ACAP2: variants seen among roughly 807,000 people sequenced by gnomAD.
The protein encoded by ACAP2 is ArfGAP with coiled-coil, ankyrin repeat and PH domains 2.
Under a neutral mutation model 115.8 loss-of-function variants are expected in ACAP2, and 39 were observed. That is an observed-to-expected ratio of 0.34 (90% CI 0.26 to 0.44). The LOEUF (loss-of-function observed/expected upper bound fraction) is 0.44. Among genes scored for constraint, ACAP2 ranks in the 20% least tolerant of loss-of-function variants. The pLI is 1.00. For synonymous variants in ACAP2, 289 were observed against 315.8 expected, an observed-to-expected ratio of 0.92 and a Z score of 0.90; for missense variants, 662 against 927.6, an observed-to-expected ratio of 0.71 and a Z score of 3.72.
intron 13 of ACAP2, among the ~76,000 whole-genome samples, chr3:195,306,248 AAC>A (rs1728412895): frequency 6.6e-6 from 1 of 152,150 alleles, no homozygotes; most frequent in East Asian, 1.9e-4. Context: ...TTTGGGGAAA[AAC>A]ACTAACAGGG....
intron 10 of ACAP2, among the ~76,000 whole-genome samples, chr3:195,311,432 T>A (rs138186176): frequency 6.6e-6 from 1 of 151,766 alleles, no homozygotes; most frequent in Non-Finnish European, 1.5e-5. Context: ...AAAGGAAAAG[T>A]AAGACTTAAA....
chr3:195,303,623 G>C (rs569975898), intron 13 of ACAP2, among the ~76,000 whole-genome samples: 1 of 152,136 alleles, frequency 6.6e-6, no homozygotes, highest in East Asian at 1.9e-4. Flanking sequence ...AAACAAATAA[G>C]CTAGACATGG....
chr3:195,434,026 T>A (rs1049838890), intron 1 of ACAP2, among the ~76,000 whole-genome samples: 1 of 152,094 alleles, frequency 6.6e-6, no homozygotes, highest in Non-Finnish European at 1.5e-5. Flanking sequence ...CTACCCAGGC[T>A]CAAGTGGTCC....
chr3:195,435,406 T>C lies in ACAP2; in HGVS notation c.53+7389A>G, dbSNP rs1715460497. 3.9e-5 allele frequency among the ~76,000 whole-genome samples: 6 copies of C among 152,198 alleles called. No individual in the cohort carries two copies. The South Asian group carries it at 1.2e-3, about 32-fold the overall frequency. ...GTCTCTCAATCTCCTGACCTCGTGATCCACCCACCTCGGCCTCCCAAAGTG... is the reference window on the plus strand; with the variant it reads ...GTCTCTCAATCTCCTGACCTCGTGACCCACCCACCTCGGCCTCCCAAAGTG... On this transcript the variant is annotated intron_variant, in intron 1 of 22. Coordinates refer to ENST00000326793, the MANE Select transcript of ACAP2 (RefSeq NM_012287.6).
intron 6 of ACAP2, among the ~76,000 whole-genome samples, chr3:195,340,836 A>G (rs1038936320): frequency 1.3e-5 from 2 of 152,174 alleles, no homozygotes; most frequent in Non-Finnish European, 1.5e-5. Flanking sequence ...GACCCAGGAA[A>G]TACACTACTC....
intron 8 of ACAP2, among the ~76,000 whole-genome samples, chr3:195,332,241 T>G (rs968973067): frequency 6.6e-6 from 1 of 152,116 alleles, no homozygotes; most frequent in African/African-American, 2.4e-5. Flanking sequence ...ATTCTAAAAT[T>G]TTTTTATTCA....
At chr3:195,349,855 C>A in intron 4 of ACAP2, 1 of 336,900 alleles carries the variant, frequency 3.0e-6, no homozygotes, top group South Asian at 2.6e-5. Flanking sequence ...TGACACCAGG[C>A]AAAACAAAGC....
At chr3:195,306,694 A>G (rs935918516) in intron 12 of ACAP2, 78 bp from the exon 13 acceptor site, 2 of 1,048,316 alleles carry the variant, frequency 1.9e-6, no homozygotes, top group Admixed American at 2.6e-5. Flanking sequence ...TATTTTTTCC[A>G]CTTTGCTATT....
intron 21 of ACAP2, among the ~76,000 whole-genome samples, chr3:195,288,036 G>C (rs376117949): frequency 6.6e-6 from 1 of 152,084 alleles, no homozygotes; most frequent in South Asian, 2.1e-4. Context: ...GGGAGGCAGA[G>C]GTTGCTGAGC....
rs189264209 is a variant in ACAP2, at chr3:195,297,296, A to C, written c.1396-15T>G. Reference sequence around the variant, plus strand: ...TCACACATAAGCTGTTTGGCAAAAAAAAATAGAAAAATAAGCTATACATTA... The same window carrying C: ...TCACACATAAGCTGTTTGGCAAAAACAAATAGAAAAATAAGCTATACATTA... On this transcript the variant is annotated splice_polypyrimidine_tract_variant and intron_variant, in intron 15 of 22. Coordinates refer to ENST00000326793, the MANE Select transcript of ACAP2 (RefSeq NM_012287.6). 3.8e-4 allele frequency: 612 copies of C among 1,601,004 alleles called. 4 individuals carry two copies. The East Asian group carries it at 0.011, about 29-fold the overall frequency.
At chr3:195,438,487 C>T (rs553030845) in intron 1 of ACAP2, among the ~76,000 whole-genome samples, 2 of 152,110 alleles carry the variant, frequency 1.3e-5, no homozygotes, top group East Asian at 3.9e-4. Flanking sequence ...AGGAAGGAGA[C>T]AAGATTGGCA....
At chr3:195,390,991 T>C (rs2108770524) in intron 2 of ACAP2, among the ~76,000 whole-genome samples, 1 of 152,230 alleles carries the variant, frequency 6.6e-6, no homozygotes, top group East Asian at 1.9e-4. Flanking sequence ...ATAATATAGA[T>C]GGAGGGAATC....
rs1320318529 is a variant in ACAP2 at position 195,442,885 on chromosome 3, G to A, written c.-38C>T. 3 of 1,496,938 alleles carry A rather than the reference G, an allele frequency of 2.0e-6. No homozygotes were observed. Among genetic ancestry groups the A allele is most frequent in the Non-Finnish European group, 2.7e-6 (3 of 1,124,512 alleles). 92.7% of individuals were successfully genotyped at this position (1,496,938 alleles called of 1,614,324 possible). ...TCGCAGGCGGCGCTGGCAAAGCCGA[G>A]GGGGCCGCGGGAGCGGCCGCGCTGG... On this transcript the variant is annotated 5_prime_UTR_variant, in exon 1 of 23. Transcript: ENST00000326793.
Position 195,307,222 on chromosome 3 carries a change from C to T in ACAP2, c.1010+1G>A. The T allele has an allele frequency of 3.7e-6, 6 of 1,611,526 alleles. No homozygotes were observed. The highest frequency in any genetic ancestry group is 5.1e-6 in the Non-Finnish European group (6 of 1,178,300). ...ATCACAGATCCTTTAGAACCACTTACTTTGTTGGCGAGACCACCTCAAAGC... is the reference window on the plus strand; with the variant it reads ...ATCACAGATCCTTTAGAACCACTTATTTTGTTGGCGAGACCACCTCAAAGC... On this transcript the variant is annotated splice_donor_variant, in intron 12 of 22. Coordinates refer to ENST00000326793, the MANE Select transcript of ACAP2 (RefSeq NM_012287.6). LOFTEE classifies it high-confidence loss of function.
chr3:195,375,116 C>T (rs1478690274), intron 4 of ACAP2, among the ~76,000 whole-genome samples: 1 of 151,626 alleles, frequency 6.6e-6, no homozygotes, highest in Non-Finnish European at 1.5e-5. Context: ...CGCTTGAACC[C>T]GGGAGGCAGA....
At chr3:195,289,607 T>C (rs1474808101) in intron 20 of ACAP2, among the ~76,000 whole-genome samples, 1 of 151,526 alleles carries the variant, frequency 6.6e-6, no homozygotes, top group African/African-American at 2.4e-5. Context: ...GAGACCATCC[T>C]GGCTAACAAG....
At chr3:195,315,311 A>G (rs1039287335) in intron 10 of ACAP2, among the ~76,000 whole-genome samples, 3 of 152,224 alleles carry the variant, frequency 2.0e-5, no homozygotes, top group Non-Finnish European at 4.4e-5. Flanking sequence ...ATGAGCCACA[A>G]TGACTGGCCT....
At chr3:195,389,681 T>C (rs534104609) in intron 2 of ACAP2, among the ~76,000 whole-genome samples, 140 of 152,112 alleles carry the variant, frequency 9.2e-4, no homozygotes, top group African/African-American at 3.0e-3. Flanking sequence ...GGGTAAAAAA[T>C]AAAATAAAAT....
At chr3:195,405,554 C>T (rs62288369) in intron 1 of ACAP2, among the ~76,000 whole-genome samples, 36,371 of 151,696 alleles carry the variant, frequency 0.24, 5,088 homozygotes, top group East Asian at 0.71. Flanking sequence ...GGTGTGGTGG[C>T]GCACACCTGT....
Sources: gnomAD v4.1 joint callset for allele counts (sites outside exome capture counted in the v4.1 genomes callset) on GRCh38, gnomAD v4.1.1 for gene constraint, MANE v1.5 for transcripts, NCBI Gene and HGNC (gene_info 2026-07-23, HGNC 2026-07-21) for gene names.